DST: variants seen among roughly 807,000 people sequenced by gnomAD.
The protein encoded by DST is bullous pemphigoid antigen.
DST carries 253 observed loss-of-function variants against 875.2 expected under a neutral mutation model. The observed-to-expected ratio is 0.29, with a 90% CI of 0.26 to 0.32. The LOEUF (loss-of-function observed/expected upper bound fraction) is 0.32. Ranked by LOEUF, DST falls within the 10% of genes least tolerant of loss-of-function variation. The pLI, the probability that DST is intolerant of heterozygous loss-of-function variation, is 1.00. For missense variants in DST, 8,287 were observed against 9,111.6 expected (o/e 0.91, Z 3.68); for synonymous variants, 3,124 against 3,197.1 (o/e 0.98, Z 0.77).
intron 4 of DST, among the ~76,000 whole-genome samples, chr6:56,780,958 C>G (rs1480342749): frequency 6.6e-6 from 1 of 152,172 alleles, no homozygotes; most frequent in East Asian, 1.9e-4. Context: ...TGCCAGTTTT[C>G]CCAGCACCAT....
intron 3 of DST, among the ~76,000 whole-genome samples, chr6:56,886,579 C>G (rs1784753789): frequency 6.6e-6 from 1 of 152,068 alleles, no homozygotes; most frequent in Admixed American, 6.6e-5. Context: ...AGTTCGAGAC[C>G]ACCCTGACCA....
intron 4 of DST, among the ~76,000 whole-genome samples, chr6:56,742,966 G>T (rs1030805544): frequency 6.6e-6 from 1 of 152,146 alleles, no homozygotes; most frequent in African/African-American, 2.4e-5. Flanking sequence ...AATTAAAGTT[G>T]TAGAGATTAA....
intron 2 of DST, among the ~76,000 whole-genome samples, chr6:56,904,462 A>G (rs191362813): frequency 6.6e-6 from 1 of 152,346 alleles, no homozygotes; most frequent in African/African-American, 2.4e-5. Context: ...TGGGGTGTTT[A>G]AATGAGATAA....
At chr6:56,573,588 T>G in intron 51 of DST, 91 bp downstream of exon 51, 1 of 960,600 alleles carries the variant, frequency 1.0e-6, no homozygotes, top group Admixed American at 2.3e-5. Flanking sequence ...TTTTGTGTCC[T>G]TAAGTTTATC....
At chr6:56,615,211 C>G in intron 36 of DST, 1 of 1,175,324 alleles carries the variant, frequency 8.5e-7, no homozygotes, top group African/African-American at 1.6e-5. Context: ...GAAGAAATGA[C>G]ACTGTGAACT....
chr6:56,924,055 C>T (rs1254385827), intron 2 of DST, among the ~76,000 whole-genome samples: 3 of 152,062 alleles, frequency 2.0e-5, no homozygotes, highest in Admixed American at 6.5e-5. Flanking sequence ...GCCTGGGAGG[C>T]GGAGGTTGCA....
intron 4 of DST, among the ~76,000 whole-genome samples, chr6:56,791,611 T>C (rs2099723994): frequency 6.6e-6 from 1 of 151,648 alleles, no homozygotes; most frequent in South Asian, 2.1e-4. Flanking sequence ...CATAGGAAGA[T>C]CCCGTCTCTA....
chr6:56,882,986 A>G (rs938932923), intron 3 of DST, among the ~76,000 whole-genome samples: 6 of 152,020 alleles, frequency 3.9e-5, no homozygotes, highest in Admixed American at 1.3e-4. Flanking sequence ...TCCTGCCTCA[A>G]CCTCCCAAGT....
intron 36 of DST, chr6:56,617,264 G>C: frequency 6.2e-7 from 1 of 1,611,334 alleles, no homozygotes; most frequent in Non-Finnish European, 8.5e-7. Flanking sequence ...GAAGGTCTCT[G>C]GTTCTAAGCC....
At chr6:56,610,740 A>G (rs1475170350) in intron 38 of DST, among the ~76,000 whole-genome samples, 178 bp from the exon 39 acceptor site, 1 of 152,218 alleles carries the variant, frequency 6.6e-6, no homozygotes, top group Non-Finnish European at 1.5e-5. Flanking sequence ...ATATCTAAGG[A>G]TCTTTCCCTT....
Position 56,707,508 on chromosome 6 carries a change from G to C in DST, c.688-3139C>G, listed in dbSNP as rs151165378. 2.6e-4 allele frequency among the ~76,000 whole-genome samples: 39 copies of C among 152,286 alleles called. No homozygotes were observed. The East Asian group carries it at 7.1e-3, about 28-fold the overall frequency. ...GCAGGTCTGATATCCTCAGTACACA[G>C]AAGGACAGTAGAATCCAAGCACATG... is the stretch of plus-strand genomic sequence containing the variant. On this transcript the variant is annotated intron_variant, in intron 5 of 103. Coordinates refer to ENST00000680361, the MANE Select transcript of DST (RefSeq NM_001374736.1).
chr6:56,786,457 C>T (rs1387136639), intron 4 of DST, among the ~76,000 whole-genome samples: 1 of 152,182 alleles, frequency 6.6e-6, no homozygotes, highest in Non-Finnish European at 1.5e-5. Flanking sequence ...TGTTTATCAC[C>T]AAGCTCCATA....
chr6:56,508,231 G>A (rs1038143837), intron 75 of DST, among the ~76,000 whole-genome samples: 5 of 151,982 alleles, frequency 3.3e-5, no homozygotes, highest in East Asian at 1.9e-4. Context: ...ACAGGGTTTC[G>A]TCATGTTGGC....
In DST at chr6:56,779,518, G is replaced by C. The variant is rs181550073; in HGVS notation, c.626-44229C>G. On this transcript the variant is annotated intron_variant, in intron 4 of 103. Transcript: ENST00000680361. The stretch of plus-strand genomic sequence containing the variant: ...TCTTCAAGGGTTTTTATGGTTTTAA[G>C]TCTAACATTTAAGTCTTTAATCCAT... Among the ~76,000 whole-genome samples, 3 of 152,098 alleles carry C rather than the reference G, an allele frequency of 2.0e-5. No homozygotes were observed. In the South Asian group the frequency reaches 6.2e-4, roughly 32 times the overall value.
rs758871907 is a variant in DST, at chr6:56,572,087, A to C, written c.13721+13T>G. On this transcript the variant is annotated intron_variant, in intron 53 of 103. Coordinates refer to ENST00000680361, the MANE Select transcript of DST (RefSeq NM_001374736.1). ...TAAATAGAATAAAATATAATTTTTAAAGTGGTACTTACTTTTCTTTGATGG... is the reference window on the plus strand; with the variant it reads ...TAAATAGAATAAAATATAATTTTTACAGTGGTACTTACTTTTCTTTGATGG... The C allele has an allele frequency of 1.6e-4, 217 of 1,381,438 alleles. 1 individual carries two copies. The highest frequency in any genetic ancestry group is 2.5e-4 in the Middle Eastern group (1 of 4,000). The allele number at this position is 1,381,438 out of a possible 1,614,324, so 85.6% of individuals were successfully genotyped here. A position where few individuals can be genotyped will look rare whatever the true frequency, so the allele number is the denominator to read the frequency against.
intron 4 of DST, among the ~76,000 whole-genome samples, chr6:56,757,670 T>C (rs889798833): frequency 1.3e-5 from 2 of 152,232 alleles, no homozygotes; most frequent in African/African-American, 4.8e-5. Context: ...GTAAGACATC[T>C]GGCATGAGCC....
chr6:56,818,395 G>A (rs945727447), intron 4 of DST, among the ~76,000 whole-genome samples: 6 of 152,116 alleles, frequency 3.9e-5, no homozygotes, highest in African/African-American at 1.4e-4. Context: ...TATAACATGG[G>A]TAATGCATAC....
intron 76 of DST, 44 bp downstream of exon 76, chr6:56,506,623 T>C (rs750962824): frequency 6.2e-7 from 1 of 1,611,066 alleles, no homozygotes; most frequent in Non-Finnish European, 8.5e-7. Context: ...TTTAGTTAAC[T>C]AAAAACTTTT....
At chr6:56,505,102 G>A (rs2096268912) in intron 77 of DST, among the ~76,000 whole-genome samples, 2 of 152,142 alleles carry the variant, frequency 1.3e-5, no homozygotes, top group African/African-American at 4.8e-5. Context: ...GCAGCAACCT[G>A]GGAAATAAAA....
Sources: allele counts gnomAD v4.1 joint callset (sites outside exome capture counted in the v4.1 genomes callset), GRCh38; gene constraint gnomAD v4.1.1; transcripts MANE v1.5; gene names NCBI Gene and HGNC (gene_info 2026-07-23, HGNC 2026-07-21).